The following UGT1A3 variants were observed in gnomAD, a reference collection of about 807,000 sequenced individuals.
UGT1A3 encodes the protein UDP glucuronosyltransferase family 1 member A3.
In UGT1A3, 31 loss-of-function variants were observed where a neutral mutation model predicts 41.0. That is an observed-to-expected ratio of 0.76 (90% CI 0.57 to 1.02). UGT1A3 has a LOEUF of 1.02. Among genes scored for constraint, UGT1A3 ranks in the 50% least tolerant of loss-of-function variants. The pLI is 0.00. For synonymous variants in UGT1A3, 262 were observed against 257.6 expected (o/e 1.02, Z -0.17); for missense variants, 737 against 671.0 (o/e 1.10, Z -1.09).
At chr2:233,731,132 C>G (rs1241024479) in intron 1 of UGT1A3, among the ~76,000 whole-genome samples, 5 of 152,006 alleles carry the variant, frequency 3.3e-5, no homozygotes, top group African/African-American at 7.3e-5. Context: ...GCAAAAGACT[C>G]TAAGCTTCAT....
intron 1 of UGT1A3, among the ~76,000 whole-genome samples, chr2:233,732,779 AT>A (rs1417655336): frequency 8.9e-6 from 1 of 112,574 alleles, no homozygotes; most frequent in South Asian, 2.6e-4. Context: ...TTTGCTTAGG[AT>A]TGTCTTGGCA....
intron 1 of UGT1A3, among the ~76,000 whole-genome samples, chr2:233,766,276 C>T (rs1021162182): frequency 2.0e-5 from 3 of 151,848 alleles, no homozygotes; most frequent in Non-Finnish European, 2.9e-5. Flanking sequence ...GGCTCGGTGG[C>T]CCGGGCTCGG....
At chr2:233,738,547 G>T (rs1209764817) in intron 1 of UGT1A3, among the ~76,000 whole-genome samples, 1 of 152,216 alleles carries the variant, frequency 6.6e-6, no homozygotes, top group African/African-American at 2.4e-5. Context: ...CTGAGTCTCA[G>T]ATAGAGATGA....
intron 1 of UGT1A3, among the ~76,000 whole-genome samples, chr2:233,733,906 G>A (rs576095795): frequency 6.6e-6 from 1 of 152,124 alleles, no homozygotes; most frequent in South Asian, 2.1e-4. Context: ...GTACCTCTCT[G>A]GTAGAATTCG....
rs548391374 is a variant in UGT1A3 at position 233,743,280 on chromosome 2, T to C, written c.867+13287T>C. The C allele has an allele frequency of 1.0e-5, 5 of 493,342 alleles. No homozygotes were observed. In the East Asian group the frequency reaches 3.5e-4, roughly 34 times the overall value. The allele number at this position is 493,342 out of a possible 1,614,324, so 30.6% of individuals were successfully genotyped here. The stretch of plus-strand genomic sequence containing the variant: ...CATCTTCCTCCACTTCCACCCTTTC[T>C]TGGCCATTCTCAATGATTCTCTTGG... On this transcript the variant is annotated intron_variant, in intron 1 of 4. Coordinates refer to ENST00000482026, the MANE Select transcript of UGT1A3 (RefSeq NM_019093.4).
chr2:233,772,776 CTT>C lies in UGT1A3; in HGVS notation c.*219_*220del. On this transcript the variant is annotated 3_prime_UTR_variant, in exon 5 of 5. Transcript: ENST00000482026. Reference sequence around the variant, plus strand: ...ATATGTATCGTGCCCCCTCTGGTGTCTTTGATCAGGATGACATGTGCCATTTT... The same window carrying C: ...ATATGTATCGTGCCCCCTCTGGTGTCTGATCAGGATGACATGTGCCATTTT... The C allele has an allele frequency of 7.6e-7, 1 of 1,308,314 alleles. No individual in the cohort carries two copies. The highest frequency in any genetic ancestry group is 1.0e-6 in the Non-Finnish European group (1 of 993,234). The allele number at this position is 1,308,314 out of a possible 1,614,324, so 81.0% of individuals were successfully genotyped here.
At chr2:233,755,940 ATC>A (rs35754645) in intron 1 of UGT1A3, 54,950 of 151,954 alleles carry the variant, frequency 0.36, 10,325 homozygotes, top group African/African-American at 0.45. Flanking sequence ...CAGTTTTTGC[ATC>A]TCTCTCTTTA....
intron 1 of UGT1A3, among the ~76,000 whole-genome samples, chr2:233,737,817 A>C (rs1486472314): frequency 6.6e-6 from 1 of 152,110 alleles, no homozygotes; most frequent in Admixed American, 6.5e-5. Flanking sequence ...TCAGTGGAGC[A>C]GAACAAATTG....
intron 1 of UGT1A3, among the ~76,000 whole-genome samples, chr2:233,758,630 C>T (rs1481038877): frequency 6.6e-6 from 1 of 152,172 alleles, no homozygotes; most frequent in Non-Finnish European, 1.5e-5. Context: ...AAAGTACCTA[C>T]TCTAAGGAGA....
chr2:233,758,057 A>G (rs1435615594), intron 1 of UGT1A3, among the ~76,000 whole-genome samples: 1 of 151,980 alleles, frequency 6.6e-6, no homozygotes, highest in Non-Finnish European at 1.5e-5. Context: ...ACCATTTCTA[A>G]CTTGACTTTC....
intron 1 of UGT1A3, chr2:233,743,283 G>A: frequency 2.0e-6 from 1 of 501,770 alleles, no homozygotes. Context: ...CCCTTTCTTG[G>A]CCATTCTCAA....
Position 233,754,476 on chromosome 2 carries a change from C to A in UGT1A3, c.868-12558C>A, listed in dbSNP as rs561719885. 3.5e-4 allele frequency: 124 copies of A among 357,228 alleles called. 1 individual carries two copies. Among genetic ancestry groups the A allele is most frequent in the Admixed American group, 6.4e-4 (17 of 26,454 alleles). The allele number at this position is 357,228 out of a possible 1,614,324, so 22.1% of individuals were successfully genotyped here. A position where few individuals can be genotyped will look rare whatever the true frequency, so the allele number is the denominator to read the frequency against. ...GTACAGCTGTTCTGAAAGTAAAGTT[C>A]ACTTTCAATCCTAAAAAAAGTCCGC... On this transcript the variant is annotated intron_variant, in intron 1 of 4. Coordinates refer to ENST00000482026, the MANE Select transcript of UGT1A3 (RefSeq NM_019093.4).
chr2:233,753,876 C>A (rs1268305886), intron 1 of UGT1A3, among the ~76,000 whole-genome samples: 2 of 152,192 alleles, frequency 1.3e-5, no homozygotes, highest in Non-Finnish European at 1.5e-5. Context: ...AAGGTCTGTC[C>A]TCAGCCTTCA....
chr2:233,770,451 C>T (rs565936223), intron 4 of UGT1A3: 5 of 152,088 alleles, frequency 3.3e-5, no homozygotes, highest in Admixed American at 1.3e-4. Flanking sequence ...GTTAGGAGTT[C>T]GAAACCAACC....
intron 1 of UGT1A3, among the ~76,000 whole-genome samples, chr2:233,757,478 C>G (rs1489873843): frequency 4.1e-5 from 6 of 146,266 alleles, no homozygotes; most frequent in Non-Finnish European, 1.5e-5. Flanking sequence ...TCTCCAAAAC[C>G]ATGGACTGGC....
At chr2:233,743,412 T>G in intron 1 of UGT1A3, 4 of 1,321,888 alleles carry the variant, frequency 3.0e-6, no homozygotes, top group Non-Finnish European at 3.0e-6. Flanking sequence ...GGCCCCCACT[T>G]CCCAGGGAGC....
In UGT1A3 at chr2:233,729,317, A is replaced by G; in HGVS notation, c.191A>G (p.Glu64Gly). ...RGHQAVVLTP[E>G]VNMHIKEENF... The stretch of plus-strand genomic sequence containing the variant: ...CACCAGGCAGTGGTCCTCACCCCAG[A>G]GGTGAATATGCACATCAAAGAAGAG... Residue 64 changes from glutamate (E) to glycine (G), a missense_variant, in exon 1 of 5, where the codon GAG (glutamate) becomes GGG (glycine). Coordinates refer to ENST00000482026, the MANE Select transcript of UGT1A3 (RefSeq NM_019093.4). 1 of 1,614,270 alleles carries G rather than the reference A, an allele frequency of 6.2e-7. No individual in the cohort carries two copies. Among genetic ancestry groups the G allele is most frequent in the Non-Finnish European group, 8.5e-7 (1 of 1,180,044 alleles).
intron 1 of UGT1A3, among the ~76,000 whole-genome samples, chr2:233,758,016 C>T (rs917731402): frequency 6.6e-6 from 1 of 152,144 alleles, no homozygotes; most frequent in African/African-American, 2.4e-5. Context: ...GAGTTTGTCT[C>T]TGTCTACCTG....
At chr2:233,760,928 T>C (rs1276169722) in intron 1 of UGT1A3, 2 of 1,614,184 alleles carry the variant, frequency 1.2e-6, no homozygotes, top group Non-Finnish European at 1.7e-6. Context: ...AAGAACATGC[T>C]CATTGCCTTT....
Sources: allele counts gnomAD v4.1 joint callset (sites outside exome capture counted in the v4.1 genomes callset), GRCh38; gene constraint gnomAD v4.1.1; transcripts MANE v1.5; gene names NCBI Gene and HGNC (gene_info 2026-07-23, HGNC 2026-07-21).